The following ADGRV1 variants were observed in gnomAD, a reference collection of about 807,000 sequenced individuals.
The protein encoded by ADGRV1 is G-protein coupled receptor 98.
A neutral mutation model predicts 596.2 loss-of-function variants in ADGRV1; 359 were observed. That is an observed-to-expected ratio of 0.60 (90% CI 0.55 to 0.66). The LOEUF (loss-of-function observed/expected upper bound fraction) is 0.66, where lower values mean the gene tolerates loss of function less well. Among genes scored for constraint, ADGRV1 ranks in the 30% least tolerant of loss-of-function variants. ADGRV1 has a pLI of 0.00. For synonymous variants in ADGRV1, 2,681 were observed against 2,679.2 expected (o/e 1.00, Z -0.02); for missense variants, 7,274 against 7,575.6 (o/e 0.96, Z 1.48).
chr5:90,970,251 T>C (rs10056755), intron 84 of ADGRV1, among the ~76,000 whole-genome samples: 76,095 of 151,978 alleles, frequency 0.5, 20,669 homozygotes, highest in African/African-American at 0.71. Flanking sequence ...TGGAGCCCAC[T>C]GCAGCTCAAG....
chr5:90,893,293 C>A (rs1770998044), intron 83 of ADGRV1, among the ~76,000 whole-genome samples: 1 of 152,064 alleles, frequency 6.6e-6, no homozygotes, highest in Non-Finnish European at 1.5e-5. Context: ...TCAGCTTCCC[C>A]CAAATTGAAT....
chr5:90,642,111 TTG>T (rs1232729455), intron 11 of ADGRV1, among the ~76,000 whole-genome samples: 2 of 152,186 alleles, frequency 1.3e-5, no homozygotes, highest in African/African-American at 4.8e-5. Flanking sequence ...GTAATCACAA[TTG>T]TGTTTATTTT....
chr5:90,968,856 C>T (rs1479462034), intron 84 of ADGRV1, among the ~76,000 whole-genome samples: 5 of 151,852 alleles, frequency 3.3e-5, no homozygotes, highest in East Asian at 1.9e-4. Flanking sequence ...AATATAGGAG[C>T]GAATATGATA....
chr5:91,128,539 A>G (rs1419381384), intron 87 of ADGRV1, among the ~76,000 whole-genome samples: 2 of 152,174 alleles, frequency 1.3e-5, no homozygotes, highest in African/African-American at 4.8e-5. Flanking sequence ...CCCTGGATGA[A>G]TAAATACTTG....
intron 85 of ADGRV1, among the ~76,000 whole-genome samples, chr5:91,026,923 C>G (rs946655725): frequency 3.9e-5 from 6 of 151,968 alleles, no homozygotes; most frequent in Admixed American, 1.3e-4. Context: ...AGGCAGATCA[C>G]TTGAGGCCAG....
chr5:90,932,106 G>A (rs1213772773), intron 83 of ADGRV1, among the ~76,000 whole-genome samples: 4 of 152,102 alleles, frequency 2.6e-5, no homozygotes, highest in East Asian at 1.9e-4. Flanking sequence ...TATTTTCTTC[G>A]TGGGTAAATC....
intron 9 of ADGRV1, among the ~76,000 whole-genome samples, chr5:90,631,423 G>T (rs1303229994): frequency 6.6e-6 from 1 of 152,096 alleles, no homozygotes; most frequent in African/African-American, 2.4e-5. Flanking sequence ...CTGTTACGGG[G>T]ATGTAGGATT....
chr5:90,683,492 A>G, intron 27 of ADGRV1, 94 bp from the exon 28 acceptor site: 1 of 1,010,518 alleles, frequency 9.9e-7, no homozygotes, highest in Non-Finnish European at 1.4e-6. Context: ...TATATAAAAT[A>G]AAATTGTGCT....
chr5:90,877,877 G>C (rs1284371263), intron 83 of ADGRV1, among the ~76,000 whole-genome samples: 2 of 151,150 alleles, frequency 1.3e-5, no homozygotes, highest in Admixed American at 1.3e-4. Flanking sequence ...ATGCCCTTTC[G>C]TGAAATTCAG....
intron 74 of ADGRV1, among the ~76,000 whole-genome samples, chr5:90,814,677 T>C (rs1762739237): frequency 6.6e-6 from 1 of 152,154 alleles, no homozygotes; most frequent in South Asian, 2.1e-4. Context: ...CCACCGTGAT[T>C]GTAAGTTTGC....
At chr5:90,568,816 C>A (rs551997305) in intron 1 of ADGRV1, among the ~76,000 whole-genome samples, 246 of 152,206 alleles carry the variant, frequency 1.6e-3, no homozygotes, top group Non-Finnish European at 2.9e-3. Flanking sequence ...TGTAGGTTTA[C>A]AATTGTTACA....
intron 19 of ADGRV1, 137 bp from the exon 20 acceptor site, chr5:90,653,071 TG>T: frequency 1.3e-6 from 1 of 758,274 alleles, no homozygotes; most frequent in Non-Finnish European, 2.1e-6. Context: ...GAAAGCCACA[TG>T]GTGACACTAC....
At chr5:90,953,669 T>A (rs1777231954) in intron 83 of ADGRV1, among the ~76,000 whole-genome samples, 2 of 152,084 alleles carry the variant, frequency 1.3e-5, no homozygotes, top group Non-Finnish European at 2.9e-5. Flanking sequence ...AGAAAAACAA[T>A]TCAAAGTTTA....
At chr5:90,799,868 T>G (rs1761164935) in intron 70 of ADGRV1, among the ~76,000 whole-genome samples, 2 of 152,204 alleles carry the variant, frequency 1.3e-5, no homozygotes. Context: ...GAAAACTGGC[T>G]AGCCATATGC....
chr5:91,082,597 G>A (rs947673873), intron 86 of ADGRV1, among the ~76,000 whole-genome samples: 2 of 152,130 alleles, frequency 1.3e-5, no homozygotes, highest in Non-Finnish European at 2.9e-5. Context: ...TACAGTTACC[G>A]ATTTTTTAAA....
chr5:90,787,351 G>A (rs1049789006), intron 67 of ADGRV1, among the ~76,000 whole-genome samples: 17 of 152,066 alleles, frequency 1.1e-4, no homozygotes, highest in Admixed American at 6.6e-5. Context: ...TTTTTGCATG[G>A]TCTACAGCAG....
At chr5:90,956,073 C>T (rs1777450943) in intron 83 of ADGRV1, among the ~76,000 whole-genome samples, 1 of 152,094 alleles carries the variant, frequency 6.6e-6, no homozygotes, top group Non-Finnish European at 1.5e-5. Context: ...TCAATTCCAT[C>T]TAACAAGGTT....
intron 2 of ADGRV1, among the ~76,000 whole-genome samples, chr5:90,616,687 G>A (rs1763410014): frequency 1.3e-5 from 2 of 152,132 alleles, no homozygotes; most frequent in African/African-American, 4.8e-5. Context: ...TATCCCCAAT[G>A]ATCCCCAATG....
chr5:91,123,204 T>C (rs1307080564), intron 87 of ADGRV1, among the ~76,000 whole-genome samples: 1 of 106,560 alleles, frequency 9.4e-6, no homozygotes, highest in Non-Finnish European at 2.5e-5. Context: ...ATGTAAAACA[T>C]GTAAAAGAGT....
Sources: gnomAD v4.1 joint callset for allele counts (sites outside exome capture counted in the v4.1 genomes callset) on GRCh38, gnomAD v4.1.1 for gene constraint, MANE v1.5 for transcripts, NCBI Gene and HGNC (gene_info 2026-07-23, HGNC 2026-07-21) for gene names.